CUBN: variants seen among roughly 807,000 people sequenced by gnomAD.
The protein encoded by CUBN is cubilin.
Under a neutral mutation model 405.3 loss-of-function variants are expected in CUBN, and 282 were observed. The ratio of observed to expected loss-of-function variants is 0.70; its 90% CI spans 0.63 to 0.77. CUBN has a LOEUF of 0.77. Among genes scored for constraint, CUBN ranks in the 30% least tolerant of loss-of-function variants. The pLI, the probability that CUBN is intolerant of heterozygous loss-of-function variation, is 0.00. For missense variants in CUBN, 4,514 were observed against 4,475.2 expected, an observed-to-expected ratio of 1.01 and a Z score of -0.25; for synonymous variants, 1,684 against 1,617.0, an observed-to-expected ratio of 1.04 and a Z score of -0.99.
chr10:16,903,650 T>C (rs1841466158), intron 51 of CUBN, among the ~76,000 whole-genome samples: 1 of 147,620 alleles, frequency 6.8e-6, no homozygotes, highest in Non-Finnish European at 1.5e-5. Context: ...TAATAATTAT[T>C]ATTAATAATT....
At position 16,869,774 on chromosome 10, in the gene CUBN, C is replaced by T. The variant is rs762381240; in HGVS notation, c.9316G>A (p.Asp3106Asn). 7 of 1,613,898 alleles carry T rather than the reference C, an allele frequency of 4.3e-6. No homozygotes were observed. The highest frequency in any genetic ancestry group is 3.3e-5 in the South Asian group (3 of 91,090). ...LAIYDGANTS[D>N]PLLGKFCGSK... ...CCGCAGAATTTGCCAAGAAGGGGAT[C>T]GCTGGTATTGGCACCATCGTAAATT... The change falls in exon 59 of 67, where the codon GAT (aspartate) becomes AAT (asparagine). Residue 3106 changes from aspartate (D) to asparagine (N), a missense_variant. Physicochemically the swap from Asp to Asn is conservative, Grantham distance 23. Coordinates refer to ENST00000377833, the MANE Select transcript of CUBN (RefSeq NM_001081.4).
At chr10:17,104,765 AATT>A (rs964438883) in intron 11 of CUBN, among the ~76,000 whole-genome samples, 160 bp from the exon 12 acceptor site, 2 of 147,086 alleles carry the variant, frequency 1.4e-5, no homozygotes, top group Admixed American at 6.8e-5. Context: ...ATTTAAAAAT[AATT>A]ATTATTTATG....
chr10:17,088,399 G>A, intron 14 of CUBN, 54 bp from the exon 15 acceptor site: 1 of 1,480,550 alleles, frequency 6.8e-7, no homozygotes, highest in Non-Finnish European at 9.4e-7. Flanking sequence ...ATAATTTATG[G>A]AGAATGATCA....
intron 64 of CUBN, among the ~76,000 whole-genome samples, chr10:16,834,403 G>T (rs703059): frequency 2.2e-4 from 33 of 151,806 alleles, no homozygotes; most frequent in East Asian, 1.9e-3. Context: ...GTGGGAGTGG[G>T]GGGTGGGTGT....
chr10:16,958,156 C>T (rs1454688692), intron 31 of CUBN, among the ~76,000 whole-genome samples: 1 of 152,088 alleles, frequency 6.6e-6, no homozygotes, highest in Non-Finnish European at 1.5e-5. Flanking sequence ...CACCCATTTC[C>T]TTGGGGGTCC....
chr10:17,102,519 T>A (rs2131298789), intron 13 of CUBN, among the ~76,000 whole-genome samples: 1 of 150,144 alleles, frequency 6.7e-6, no homozygotes, highest in Non-Finnish European at 1.5e-5. Context: ...ATTCCTGACC[T>A]CAGGCAATGT....
Position 17,068,164 on chromosome 10 carries a change from T to A in CUBN, c.2908A>T (p.Ile970Phe), listed in dbSNP as rs758267799. The A allele has an allele frequency of 6.2e-7, 1 of 1,613,690 alleles. No homozygotes were observed. Among genetic ancestry groups the A allele is most frequent in the Non-Finnish European group, 8.5e-7 (1 of 1,179,660 alleles). Reference protein sequence around the residue: ...WHILVQPNHLIHLMFETFHLE... With the variant: ...WHILVQPNHLFHLMFETFHLE... ...TGAAATGTTTCGAACATTAAATGAA[T>A]CAGGTGATTAGGTTGGACTAATATA... The change falls in exon 21 of 67, where the codon ATT becomes TTT. Residue 970 changes from isoleucine to phenylalanine, a missense_variant. Ile to Phe is a conservative substitution (Grantham distance 21). Coordinates refer to ENST00000377833, the MANE Select transcript of CUBN (RefSeq NM_001081.4).
At chr10:16,989,799 C>T (rs907151812) in intron 29 of CUBN, among the ~76,000 whole-genome samples, 4 of 152,190 alleles carry the variant, frequency 2.6e-5, no homozygotes, top group African/African-American at 9.7e-5. Flanking sequence ...ATGGCCCTGG[C>T]GGCCCCTTGA....
At chr10:17,024,937 CT>C (rs1467133749) in intron 27 of CUBN, among the ~76,000 whole-genome samples, 2 of 152,012 alleles carry the variant, frequency 1.3e-5, no homozygotes, top group Admixed American at 6.6e-5. Flanking sequence ...GAAGAAAATT[CT>C]TTTTTATAGG....
chr10:16,937,537 A>G, intron 39 of CUBN, 55 bp downstream of exon 39: 1 of 1,474,610 alleles, frequency 6.8e-7, no homozygotes, highest in Non-Finnish European at 9.5e-7. Context: ...ATCCTTTGAA[A>G]CATTGGCCTG....
intron 48 of CUBN, 144 bp from the exon 49 acceptor site, chr10:16,907,823 G>A (rs998957719): frequency 2.6e-5 from 21 of 819,976 alleles, no homozygotes; most frequent in East Asian, 5.3e-5. Context: ...GGTTTCTATC[G>A]CAGTGCCACA....
At position 17,025,359 on chromosome 10, in the gene CUBN, TGG is replaced by T. The variant is rs60624851; in HGVS notation, c.4018-5378_4018-5377del. Among the ~76,000 whole-genome samples, 1,012 of 152,344 alleles carry T rather than the reference TGG, an allele frequency of 6.6e-3. 8 individuals are homozygous for T. Among genetic ancestry groups the T allele is most frequent in the Non-Finnish European group, 0.012 (836 of 68,028 alleles). ...AGAATGTACTTGACTAATGTCAATG[TGG>T]CCAGAGCCAGGCTCTGTGTTCATAG... On this transcript the variant is annotated intron_variant, in intron 27 of 66. Transcript: ENST00000377833.
chr10:16,933,217 G>A lies in CUBN; in HGVS notation c.5994C>T (p.Asp1998=), dbSNP rs1416319214. 9 of 1,614,070 alleles carry A rather than the reference G, an allele frequency of 5.6e-6. No homozygotes were observed. The Admixed American group carries it at 1.2e-4, about 21-fold the overall frequency. The change falls in exon 40 of 67, where the codon GAC becomes GAT. Residue 1998 remains aspartate, a synonymous_variant. Coordinates refer to ENST00000377833, the MANE Select transcript of CUBN (RefSeq NM_001081.4). ...TACAGTCCACTCTATTACTGTAACT[G>A]TCAGGCCAGCCCGGGGAGAAGAGAA... ...PVFLFSPGWP[D]SYSNRVDCTW... is the part of the protein sequence containing the mutation.
At chr10:17,128,426 A>G (rs376492446) in intron 2 of CUBN, among the ~76,000 whole-genome samples, 3 of 152,248 alleles carry the variant, frequency 2.0e-5, no homozygotes, top group East Asian at 1.9e-4. Context: ...GACTTCTAAC[A>G]TTATGACTGA....
At chr10:16,973,023 T>C (rs1024753788) in intron 31 of CUBN, among the ~76,000 whole-genome samples, 12 of 152,206 alleles carry the variant, frequency 7.9e-5, no homozygotes, top group African/African-American at 2.4e-4. Context: ...GAGTATGTTA[T>C]TCCCGTTTTA....
intron 28 of CUBN, among the ~76,000 whole-genome samples, chr10:17,008,898 C>A (rs1588576442): frequency 6.6e-6 from 1 of 152,160 alleles, no homozygotes; most frequent in Non-Finnish European, 1.5e-5. Flanking sequence ...GCACAAAAGA[C>A]ATCCTTAGTG....
At chr10:17,110,675 G>A (rs1836753141) in intron 9 of CUBN, among the ~76,000 whole-genome samples, 1 of 151,996 alleles carries the variant, frequency 6.6e-6, no homozygotes, top group African/African-American at 2.4e-5. Context: ...TTACAAGCAT[G>A]CACCACCATG....
At chr10:16,944,612 A>G (rs1276780526) in intron 36 of CUBN, among the ~76,000 whole-genome samples, 1 of 152,242 alleles carries the variant, frequency 6.6e-6, no homozygotes, top group Non-Finnish European at 1.5e-5. Context: ...ATCAACTGCA[A>G]AAAAAGAGGC....
chr10:17,099,974 T>A (rs769113423), intron 14 of CUBN, 31 bp downstream of exon 14: 1 of 1,503,956 alleles, frequency 6.6e-7, no homozygotes, highest in South Asian at 1.1e-5. Flanking sequence ...CTCAAAATTT[T>A]GCTTGCTTTT....
Sources: gnomAD v4.1 joint callset for allele counts (sites outside exome capture counted in the v4.1 genomes callset) on GRCh38, gnomAD v4.1.1 for gene constraint, MANE v1.5 for transcripts, NCBI Gene and HGNC (gene_info 2026-07-23, HGNC 2026-07-21) for gene names.